DAPK2: variants seen among roughly 807,000 people sequenced by gnomAD.
DAPK2 encodes the protein death associated protein kinase 2, also known as death-associated protein kinase 2.
Under a neutral mutation model 44.1 loss-of-function variants are expected in DAPK2, and 35 were observed. That is an observed-to-expected ratio of 0.79 (90% CI 0.61 to 1.05). DAPK2 has a LOEUF of 1.05. Among genes scored for constraint, DAPK2 ranks in the 50% least tolerant of loss-of-function variants. The pLI, the probability that DAPK2 is intolerant of heterozygous loss-of-function variation, is 0.00. For synonymous variants in DAPK2, 174 were observed against 182.6 expected (o/e 0.95, Z 0.38); for missense variants, 453 against 483.2 (o/e 0.94, Z 0.59).
At chr15:63,949,787 G>A (rs567077044) in intron 3 of DAPK2, among the ~76,000 whole-genome samples, 2 of 152,284 alleles carry the variant, frequency 1.3e-5, no homozygotes, top group East Asian at 3.9e-4. Context: ...CTAGCTCTGT[G>A]ATCTTGGCAA....
intron 4 of DAPK2, among the ~76,000 whole-genome samples, chr15:63,934,925 A>G (rs4776264): frequency 0.34 from 51,603 of 151,944 alleles, 9,412 homozygotes; most frequent in Non-Finnish European, 0.4. Flanking sequence ...CTTTGCTTCT[A>G]TTACTTCTTG....
chr15:64,022,457 TTCCCTTGTGC>T (rs2079711909), intron 1 of DAPK2, among the ~76,000 whole-genome samples: 1 of 152,194 alleles, frequency 6.6e-6, no homozygotes, highest in African/African-American at 2.4e-5. Context: ...AATAGACAAG[TTCCCTTGTGC>T]ATGGTGACTA....
chr15:63,929,956 C>T (rs746442227), intron 5 of DAPK2: 2 of 443,546 alleles, frequency 4.5e-6, no homozygotes, highest in African/African-American at 2.0e-5. Flanking sequence ...GCTTGGCCAA[C>T]TATAAAGCAG....
intron 2 of DAPK2, among the ~76,000 whole-genome samples, chr15:63,979,549 T>C (rs2078445352): frequency 6.6e-6 from 1 of 152,158 alleles, no homozygotes; most frequent in African/African-American, 2.4e-5. Flanking sequence ...ACTAACCTAT[T>C]AGGGCCCAGT....
At chr15:64,011,697 T>C (rs1249730057) in intron 1 of DAPK2, among the ~76,000 whole-genome samples, 1 of 152,248 alleles carries the variant, frequency 6.6e-6, no homozygotes, top group Non-Finnish European at 1.5e-5. Flanking sequence ...GAAACTAATT[T>C]GCAATTTTAC....
chr15:63,998,900 C>T lies in DAPK2; in HGVS notation c.93-15146G>A, dbSNP rs948411496. The stretch of plus-strand genomic sequence containing the variant: ...ACACAAAGATGAACAAGATGCAGTG[C>T]CCATCCACGGAAGAACCACCAAATA... On this transcript the variant is annotated intron_variant, in intron 1 of 10. Transcript: ENST00000261891. Among the ~76,000 whole-genome samples the T allele has an allele frequency of 9.9e-5, 15 of 152,268 alleles. 1 individual carries two copies. The highest frequency in any genetic ancestry group is 7.8e-4 in the Admixed American group (12 of 15,288).
In DAPK2 at chr15:63,966,876, T is replaced by C. The variant is rs950973910; in HGVS notation, c.453+4547A>G. On this transcript the variant is annotated intron_variant, in intron 3 of 10. Transcript: ENST00000261891. The surrounding 1 kb of genome is among the most constrained non-coding windows in gnomAD (Gnocchi z 5.5). ...CTCTTCAGTGCCTCTTTCTGTGATATGAAATTAAAACCAGGTACTGTGGGC... is the reference window on the plus strand; with the variant it reads ...CTCTTCAGTGCCTCTTTCTGTGATACGAAATTAAAACCAGGTACTGTGGGC... 1.3e-5 allele frequency among the ~76,000 whole-genome samples: 2 copies of C among 152,110 alleles called. No homozygotes were observed. The highest frequency in any genetic ancestry group is 6.6e-5 in the Admixed American group (1 of 15,262).
At chr15:63,945,483 G>T (rs1314504774) in intron 3 of DAPK2, among the ~76,000 whole-genome samples, 1 of 152,146 alleles carries the variant, frequency 6.6e-6, no homozygotes, top group Non-Finnish European at 1.5e-5. Context: ...CCTCCTATAG[G>T]GCTGTGATGC....
intron 1 of DAPK2, among the ~76,000 whole-genome samples, chr15:64,019,829 C>T (rs2079633666): frequency 6.6e-6 from 1 of 152,304 alleles, no homozygotes; most frequent in East Asian, 1.9e-4. Context: ...CCCCAAACAA[C>T]TTATTTATTA....
At chr15:64,003,384 A>T (rs2079148520) in intron 1 of DAPK2, among the ~76,000 whole-genome samples, 2 of 152,248 alleles carry the variant, frequency 1.3e-5, no homozygotes, top group Admixed American at 6.5e-5. Context: ...TATCATAGGC[A>T]GTGCATTGCT....
chr15:64,008,099 G>T (rs1383364588), intron 1 of DAPK2, among the ~76,000 whole-genome samples: 1 of 151,830 alleles, frequency 6.6e-6, no homozygotes, highest in Non-Finnish European at 1.5e-5. Flanking sequence ...GATGATGATG[G>T]TCACACAACT....
upstream of DAPK2, among the ~76,000 whole-genome samples, chr15:64,043,429 T>C (rs1390267075): frequency 6.6e-6 from 1 of 152,176 alleles, no homozygotes; most frequent in Non-Finnish European, 1.5e-5. Context: ...TATACAGCAA[T>C]AAGAATTAAC....
intron 1 of DAPK2, among the ~76,000 whole-genome samples, chr15:64,001,637 CT>C (rs1163870569): frequency 6.6e-6 from 1 of 152,218 alleles, no homozygotes; most frequent in Non-Finnish European, 1.5e-5. Flanking sequence ...ACTTCCCCTC[CT>C]TTCCTCTCAA....
chr15:63,992,663 A>T (rs915283472), intron 1 of DAPK2, among the ~76,000 whole-genome samples: 1 of 152,198 alleles, frequency 6.6e-6, no homozygotes, highest in African/African-American at 2.4e-5. Context: ...GGTTGTGGCC[A>T]CTTTCTCAAG....
intron 3 of DAPK2, among the ~76,000 whole-genome samples, chr15:63,954,489 T>C (rs558361382): frequency 7.2e-5 from 11 of 152,318 alleles, no homozygotes; most frequent in Non-Finnish European, 1.5e-5. Flanking sequence ...AGTTCTCTAC[T>C]CTGTTTCTTT....
intron 3 of DAPK2, among the ~76,000 whole-genome samples, chr15:63,943,053 T>C (rs1211451604): frequency 6.6e-6 from 1 of 151,216 alleles, no homozygotes; most frequent in Non-Finnish European, 1.5e-5. Flanking sequence ...ACATGCGACA[T>C]ACTTTACACT....
intron 2 of DAPK2, 31 bp downstream of exon 3, chr15:63,983,502 C>G (rs1458610008): frequency 2.5e-6 from 4 of 1,605,350 alleles, no homozygotes; most frequent in East Asian, 2.2e-5. Context: ...TGCTGCCCCC[C>G]AACCCTGTGG....
At chr15:63,946,778 TCAG>T (rs2140497657) in intron 3 of DAPK2, among the ~76,000 whole-genome samples, 1 of 152,228 alleles carries the variant, frequency 6.6e-6, no homozygotes, top group African/African-American at 2.4e-5. Context: ...GCTGCTCTGC[TCAG>T]CAAAGCAGAG....
rs571924298 is a variant in DAPK2 at position 63,935,239 on chromosome 15, C to T, written c.583+3993G>A. 2.1e-3 allele frequency among the ~76,000 whole-genome samples: 323 copies of T among 151,714 alleles called. 1 individual carries two copies. The highest frequency in any genetic ancestry group is 3.4e-3 in the Middle Eastern group (1 of 294). On this transcript the variant is annotated intron_variant, in intron 4 of 10. Coordinates refer to ENST00000261891, the Ensembl canonical transcript of DAPK2. The stretch of plus-strand genomic sequence containing the variant: ...CCAAGTTGCTGGGATTACAAGCGTG[C>T]GCCACCATGCCTGGCTAATTTTTGT...
Sources: gnomAD v4.1 joint callset for allele counts (sites outside exome capture counted in the v4.1 genomes callset) on GRCh38, gnomAD v4.1.1 for gene constraint, Gnocchi (gnomAD v3.1) non-coding constraint, MANE v1.5 for transcripts, NCBI Gene and HGNC (gene_info 2026-07-23, HGNC 2026-07-21) for gene names.